SYN3: variants seen among roughly 807,000 people sequenced by gnomAD.
SYN3 encodes synapsin III.
In SYN3, 35 loss-of-function variants were observed where a neutral mutation model predicts 65.8. That is an observed-to-expected ratio of 0.53 (90% CI 0.41 to 0.70). The LOEUF (loss-of-function observed/expected upper bound fraction) is 0.70, where lower values mean the gene tolerates loss of function less well. Ranked by LOEUF, SYN3 falls within the 30% of genes least tolerant of loss-of-function variation. The pLI is 0.00. For synonymous variants in SYN3, 270 were observed against 292.9 expected (o/e 0.92, Z 0.80); for missense variants, 680 against 749.0 (o/e 0.91, Z 1.08).
At chr22:32,531,905 C>CTTTTTTTT (rs5845007) in intron 10 of SYN3, among the ~76,000 whole-genome samples, 4 of 115,466 alleles carry the variant, frequency 3.5e-5, no homozygotes, top group African/African-American at 3.5e-5. Context: ...ACTACTTTTA[C>CTTTTTTTT]TTTTTTTTTT....
At chr22:32,783,286 C>T (rs2046117306) in intron 6 of SYN3, 1 of 152,186 alleles carries the variant, frequency 6.6e-6, no homozygotes, top group Non-Finnish European at 1.5e-5. Context: ...AGAGACAATA[C>T]AGAAGGCTGT....
chr22:32,739,618 T>C (rs2061379486), intron 6 of SYN3, among the ~76,000 whole-genome samples: 1 of 152,156 alleles, frequency 6.6e-6, no homozygotes, highest in Admixed American at 6.5e-5. Flanking sequence ...TCAGATATTG[T>C]GTGTTGGTTG....
chr22:32,569,571 C>CTATATATATATATATATATA (rs1555898682), intron 7 of SYN3, among the ~76,000 whole-genome samples: 1 of 90,924 alleles, frequency 1.1e-5, no homozygotes, highest in Admixed American at 1.3e-4. Flanking sequence ...CTCTCTCTCT[C>CTATATATATATATATATATA]TATATATATA....
At chr22:32,839,570 C>T (rs964043650) in intron 6 of SYN3, among the ~76,000 whole-genome samples, 1 of 152,166 alleles carries the variant, frequency 6.6e-6, no homozygotes, top group Non-Finnish European at 1.5e-5. Context: ...AGGACTTTTG[C>T]CCTGTCCCAG....
chr22:32,524,443 C>T (rs2057941906), intron 12 of SYN3, among the ~76,000 whole-genome samples: 1 of 152,204 alleles, frequency 6.6e-6, no homozygotes, highest in African/African-American at 2.4e-5. Flanking sequence ...TAAATCTACT[C>T]TGCCTGTGCT....
chr22:33,058,356 C>T lies in SYN3; in HGVS notation c.-227G>A, dbSNP rs1464637190. 2 of 151,542 alleles carry T rather than the reference C, an allele frequency of 1.3e-5. No homozygotes were observed. The highest frequency in any genetic ancestry group is 4.8e-5 in the African/African-American group (2 of 41,346). The allele number at this position is 151,542 out of a possible 1,614,324, so 9.4% of individuals were successfully genotyped here. ...GGCGCGGCGCCCGCCAGTCGATCCG[C>T]TCCGGGTCCCGGGAGCTCAGCCTCT... On this transcript the variant is annotated 5_prime_UTR_variant, in exon 1 of 14. Coordinates refer to ENST00000358763, the MANE Select transcript of SYN3 (RefSeq NM_003490.4).
At chr22:32,969,538 T>C (rs867880723) in intron 3 of SYN3, among the ~76,000 whole-genome samples, 1 of 152,192 alleles carries the variant, frequency 6.6e-6, no homozygotes, top group Non-Finnish European at 1.5e-5. Context: ...TAATGGCTTC[T>C]TAAAAGGGAA....
At chr22:32,554,092 C>G (rs2058455939) in intron 7 of SYN3, among the ~76,000 whole-genome samples, 1 of 152,168 alleles carries the variant, frequency 6.6e-6, no homozygotes, top group Non-Finnish European at 1.5e-5. Flanking sequence ...TCCGGAGGTA[C>G]CAGTGTCTGT....
chr22:33,000,055 T>C (rs1437345136), intron 2 of SYN3, among the ~76,000 whole-genome samples: 1 of 152,094 alleles, frequency 6.6e-6, no homozygotes, highest in Non-Finnish European at 1.5e-5. Flanking sequence ...AATTCTCCTT[T>C]CCCTTGTGGT....
At chr22:32,715,723 G>C (rs1261700980) in intron 6 of SYN3, among the ~76,000 whole-genome samples, 1 of 145,944 alleles carries the variant, frequency 6.9e-6, no homozygotes, top group African/African-American at 2.6e-5. Context: ...AGGTTGCAGT[G>C]AGCCAAGATC....
At chr22:32,699,599 T>A (rs1325630862) in intron 6 of SYN3, among the ~76,000 whole-genome samples, 1 of 204 alleles carries the variant, frequency 4.9e-3, no homozygotes, top group Non-Finnish European at 8.5e-3. Flanking sequence ...CCAAGTCACA[T>A]TGCTCTCGGG....
At chr22:32,786,680 C>T (rs566633827) in intron 6 of SYN3, among the ~76,000 whole-genome samples, 3 of 152,242 alleles carry the variant, frequency 2.0e-5, no homozygotes, top group Admixed American at 6.5e-5. Context: ...TATTCTTAAA[C>T]AACCTAAAGG....
intron 1 of SYN3, among the ~76,000 whole-genome samples, chr22:33,018,581 G>A (rs889418105): frequency 2.6e-5 from 4 of 152,214 alleles, no homozygotes; most frequent in African/African-American, 9.6e-5. Context: ...CATACTTGAT[G>A]GTGAAGCCAG....
chr22:32,898,059 A>T (rs1184552976), intron 4 of SYN3, among the ~76,000 whole-genome samples: 1 of 151,960 alleles, frequency 6.6e-6, no homozygotes, highest in Non-Finnish European at 1.5e-5. Context: ...GCAATGGTGC[A>T]ATCTTGGCTC....
intron 6 of SYN3, among the ~76,000 whole-genome samples, chr22:32,786,523 C>G (rs565411812): frequency 6.6e-6 from 1 of 152,000 alleles, no homozygotes; most frequent in Non-Finnish European, 1.5e-5. Flanking sequence ...CCACCACGCC[C>G]GGCAAATTTT....
At position 32,687,074 on chromosome 22, in the gene SYN3, G is replaced by T. The variant is rs777110280; in HGVS notation, c.712-90338C>A. Among the ~76,000 whole-genome samples, 1,482 of 152,230 alleles carry T rather than the reference G, an allele frequency of 9.7e-3. 11 individuals carry two copies. Among genetic ancestry groups the T allele is most frequent in the Middle Eastern group, 0.027 (8 of 294 alleles). ...TCTCCATCTCAGAAAACTGGTGCCA[G>T]CACTGCCCCAGGTGCCCAGGCTGAG... On this transcript the variant is annotated intron_variant, in intron 6 of 13. Coordinates refer to ENST00000358763, the MANE Select transcript of SYN3 (RefSeq NM_003490.4).
chr22:32,859,084 T>G (rs1261469212), intron 6 of SYN3: 1 of 1,218,074 alleles, frequency 8.2e-7, no homozygotes, highest in African/African-American at 1.5e-5. Context: ...AGGCTTCCCA[T>G]GCAGTGGCCC....
At chr22:32,701,152 T>A (rs1225800352) in intron 6 of SYN3, among the ~76,000 whole-genome samples, 1 of 152,166 alleles carries the variant, frequency 6.6e-6, no homozygotes, top group East Asian at 1.9e-4. Context: ...CTCTGCAGAG[T>A]AATAATAAGA....
intron 6 of SYN3, among the ~76,000 whole-genome samples, chr22:32,754,571 T>C (rs2045236937): frequency 6.6e-6 from 1 of 152,052 alleles, no homozygotes; most frequent in South Asian, 2.1e-4. Flanking sequence ...ATGTGAAGAG[T>C]TGGTCCTGAG....
Sources: gnomAD v4.1 joint callset for allele counts (sites outside exome capture counted in the v4.1 genomes callset) on GRCh38, gnomAD v4.1.1 for gene constraint, MANE v1.5 for transcripts, NCBI Gene and HGNC (gene_info 2026-07-23, HGNC 2026-07-21) for gene names.